CNTN4: variants seen among roughly 807,000 people sequenced by gnomAD.
CNTN4 encodes the protein contactin-4.
Under a neutral mutation model 122.5 loss-of-function variants are expected in CNTN4, and 77 were observed. The observed-to-expected ratio is 0.63, with a 90% CI of 0.52 to 0.76. The LOEUF is 0.76. Ranked by LOEUF, CNTN4 falls within the 30% of genes least tolerant of loss-of-function variation. The pLI is 0.00. For missense variants in CNTN4, 1,256 were observed against 1,259.1 expected (o/e 1.00, Z 0.04); for synonymous variants, 512 against 447.0 (o/e 1.15, Z -1.83).
At chr3:2,409,593 CATT>C (rs1428338482) in intron 3 of CNTN4, among the ~76,000 whole-genome samples, 1 of 152,054 alleles carries the variant, frequency 6.6e-6, no homozygotes, top group African/African-American at 2.4e-5. Context: ...TTATAGCAAT[CATT>C]AATCTCAAAG....
intron 2 of CNTN4, among the ~76,000 whole-genome samples, chr3:2,164,044 G>A (rs1559301261): frequency 6.6e-6 from 1 of 152,048 alleles, no homozygotes; most frequent in Non-Finnish European, 1.5e-5. Flanking sequence ...AGGTGGATGG[G>A]GGATAAAAGA....
At chr3:2,894,905 T>C (rs1335449604) in intron 10 of CNTN4, among the ~76,000 whole-genome samples, 1 of 152,228 alleles carries the variant, frequency 6.6e-6, no homozygotes, top group Non-Finnish European at 1.5e-5. Context: ...AAGACCCTTA[T>C]TCACCAAGAG....
At chr3:2,955,043 G>A (rs75230003) in intron 13 of CNTN4, among the ~76,000 whole-genome samples, 11,899 of 152,104 alleles carry the variant, frequency 0.078, 561 homozygotes, top group Non-Finnish European at 0.097. Context: ...ATCTGGCAGC[G>A]CAACCTCATT....
chr3:2,485,269 G>A (rs1211459975), intron 3 of CNTN4, among the ~76,000 whole-genome samples: 5 of 152,218 alleles, frequency 3.3e-5, no homozygotes, highest in East Asian at 1.9e-4. Context: ...CGGTCCCATC[G>A]ACTGCCCAAG....
At chr3:2,607,497 C>T (rs1309034167) in intron 4 of CNTN4, among the ~76,000 whole-genome samples, 1 of 151,582 alleles carries the variant, frequency 6.6e-6, no homozygotes, top group Non-Finnish European at 1.5e-5. Flanking sequence ...AGAATAACTG[C>T]AAAAATGTAA....
intron 2 of CNTN4, among the ~76,000 whole-genome samples, chr3:2,233,709 G>A (rs2039575642): frequency 6.6e-6 from 1 of 151,966 alleles, no homozygotes; most frequent in African/African-American, 2.4e-5. Context: ...CTAGATCATA[G>A]TTATTATCTG....
chr3:2,103,297 GAAAA>G (rs2032147149), intron 2 of CNTN4, among the ~76,000 whole-genome samples: 1 of 150,894 alleles, frequency 6.6e-6, no homozygotes. Flanking sequence ...TACTAAAGTA[GAAAA>G]AAAGGATATA....
intron 3 of CNTN4, among the ~76,000 whole-genome samples, chr3:2,366,144 C>G (rs1205966948): frequency 6.6e-6 from 1 of 152,168 alleles, no homozygotes; most frequent in African/African-American, 2.4e-5. Context: ...ATACTACTTT[C>G]TCTACTGGCA....
chr3:2,210,101 A>G (rs555831716), intron 2 of CNTN4, among the ~76,000 whole-genome samples: 8 of 152,088 alleles, frequency 5.3e-5, no homozygotes. Flanking sequence ...CCCTGTATCT[A>G]TTTGTCTATC....
intron 6 of CNTN4, among the ~76,000 whole-genome samples, chr3:2,752,007 G>A (rs1023701356): frequency 2.0e-5 from 3 of 152,056 alleles, no homozygotes; most frequent in Non-Finnish European, 2.9e-5. Context: ...AAGGTTGTTA[G>A]CAAGATTACA....
intron 3 of CNTN4, among the ~76,000 whole-genome samples, chr3:2,541,804 C>T (rs1173944392): frequency 1.3e-5 from 2 of 152,040 alleles, no homozygotes; most frequent in African/African-American, 4.8e-5. Context: ...TGTTGGAGGC[C>T]TTCTTCAACT....
chr3:2,821,550 A>G (rs2092873268), intron 7 of CNTN4, among the ~76,000 whole-genome samples: 2 of 152,210 alleles, frequency 1.3e-5, no homozygotes, highest in African/African-American at 4.8e-5. Flanking sequence ...AGGAGGTTGA[A>G]AAATCAAATA....
chr3:2,314,156 C>G (rs1202166731), intron 2 of CNTN4, among the ~76,000 whole-genome samples: 1 of 151,808 alleles, frequency 6.6e-6, no homozygotes, highest in African/African-American at 2.4e-5. Flanking sequence ...ATGTCCAATT[C>G]TTATGTGACA....
In CNTN4 at chr3:2,631,503, A is replaced by G. The variant is rs76971096; in HGVS notation, c.55+59945A>G. Among the ~76,000 whole-genome samples, 19 of 152,320 alleles carry G rather than the reference A, an allele frequency of 1.2e-4. No individual in the cohort carries two copies. In the East Asian group the frequency reaches 3.7e-3, roughly 29 times the overall value. On this transcript the variant is annotated intron_variant, in intron 4 of 24. Coordinates refer to ENST00000418658, the MANE Select transcript of CNTN4 (RefSeq NM_175607.3). The stretch of plus-strand genomic sequence containing the variant: ...CCACCAGTCATCCCCAGTACCATTC[A>G]GAGCATGAGATTGATTCAGTCATGT...
At chr3:2,798,440 T>C (rs1198129958) in intron 6 of CNTN4, among the ~76,000 whole-genome samples, 2 of 150,096 alleles carry the variant, frequency 1.3e-5, no homozygotes, top group Non-Finnish European at 3.0e-5. Flanking sequence ...CATCTGTTGA[T>C]AGACATTTGG....
chr3:2,239,223 A>G (rs1025878427), intron 2 of CNTN4, among the ~76,000 whole-genome samples: 2 of 152,142 alleles, frequency 1.3e-5, no homozygotes, highest in African/African-American at 4.8e-5. Context: ...TGTGATTTGT[A>G]TTTGGTTACG....
intron 3 of CNTN4, among the ~76,000 whole-genome samples, chr3:2,568,338 A>AC (rs2079272473): frequency 3.3e-5 from 5 of 151,128 alleles, no homozygotes; most frequent in African/African-American, 9.7e-5. Flanking sequence ...AAAAAAAAAA[A>AC]AACCACCCTG....
At chr3:2,167,638 C>T (rs893552742) in intron 2 of CNTN4, among the ~76,000 whole-genome samples, 4 of 152,128 alleles carry the variant, frequency 2.6e-5, no homozygotes, top group Non-Finnish European at 5.9e-5. Flanking sequence ...TAAGCTCATA[C>T]CAATGCTTTG....
At chr3:2,258,798 A>T (rs1000411529) in intron 2 of CNTN4, among the ~76,000 whole-genome samples, 1 of 151,844 alleles carries the variant, frequency 6.6e-6, no homozygotes, top group South Asian at 2.1e-4. Context: ...TATTATTTGT[A>T]TTATTTATAT....
Sources: allele counts gnomAD v4.1 joint callset (sites outside exome capture counted in the v4.1 genomes callset), GRCh38; gene constraint gnomAD v4.1.1; transcripts MANE v1.5; gene names NCBI Gene and HGNC (gene_info 2026-07-23, HGNC 2026-07-21).